The following FNIP2 variants were observed in gnomAD, a reference collection of about 807,000 sequenced individuals.
The protein encoded by FNIP2 is folliculin-interacting protein 2.
FNIP2 carries 32 observed loss-of-function variants against 108.7 expected under a neutral mutation model. That is an observed-to-expected ratio of 0.29 (90% confidence interval 0.22 to 0.40). The LOEUF is 0.40. FNIP2 is among the 10% of genes least tolerant of loss of function. The pLI is 1.00. For missense variants in FNIP2, 1,202 were observed against 1,381.6 expected, an observed-to-expected ratio of 0.87 and a Z score of 2.06; for synonymous variants, 480 against 496.7, an observed-to-expected ratio of 0.97 and a Z score of 0.45.
intron 5 of FNIP2, 39 bp from the exon 6 acceptor site, chr4:158,833,489 T>A: frequency 7.6e-7 from 1 of 1,317,022 alleles, no homozygotes; most frequent in Non-Finnish European, 1.1e-6. Context: ...TTGACGTTTT[T>A]GTCCTCTTTC....
At chr4:158,789,718 TACAGATGAAG>T (rs1776341345) in intron 1 of FNIP2, among the ~76,000 whole-genome samples, 3 of 152,186 alleles carry the variant, frequency 2.0e-5, no homozygotes, top group African/African-American at 7.2e-5. Context: ...GAGCTAACAG[TACAGATGAAG>T]TATTCCTAAT....
intron 1 of FNIP2, among the ~76,000 whole-genome samples, chr4:158,773,425 T>C (rs1278780719): frequency 6.6e-6 from 1 of 152,204 alleles, no homozygotes; most frequent in East Asian, 1.9e-4. Flanking sequence ...ATGTACCATG[T>C]TGATGGGAGA....
At chr4:158,828,444 T>C (rs1778277054) in intron 2 of FNIP2, among the ~76,000 whole-genome samples, 1 of 152,098 alleles carries the variant, frequency 6.6e-6, no homozygotes, top group African/African-American at 2.4e-5. Flanking sequence ...TGAAACCCCA[T>C]CTCCACTAAA....
At chr4:158,888,301 G>T (rs1782122278) in intron 14 of FNIP2, among the ~76,000 whole-genome samples, 1 of 152,210 alleles carries the variant, frequency 6.6e-6, no homozygotes, top group Non-Finnish European at 1.5e-5. Flanking sequence ...AAAAGGTTCT[G>T]CTGGTTCTTT....
intron 1 of FNIP2, among the ~76,000 whole-genome samples, chr4:158,779,322 G>T (rs1775958027): frequency 6.6e-6 from 1 of 152,146 alleles, no homozygotes; most frequent in Admixed American, 6.5e-5. Flanking sequence ...CAGCAGGGAA[G>T]TATCTAAATT....
At chr4:158,777,978 A>G (rs1406894621) in intron 1 of FNIP2, among the ~76,000 whole-genome samples, 2 of 152,186 alleles carry the variant, frequency 1.3e-5, no homozygotes, top group African/African-American at 4.8e-5. Flanking sequence ...AATACAGGAA[A>G]AAAAATTCTT....
At chr4:158,777,360 G>A (rs903708547) in intron 1 of FNIP2, among the ~76,000 whole-genome samples, 8 of 152,156 alleles carry the variant, frequency 5.3e-5, no homozygotes, top group Non-Finnish European at 8.8e-5. Flanking sequence ...GACTATATTT[G>A]CATGTTAAAT....
chr4:158,864,956 G>T (rs563605309), intron 12 of FNIP2, among the ~76,000 whole-genome samples: 1 of 150,628 alleles, frequency 6.6e-6, no homozygotes, highest in East Asian at 1.9e-4. Context: ...TGCTCTCTCC[G>T]TCTCTCCCTC....
chr4:158,814,063 C>T (rs1239949552), intron 1 of FNIP2, among the ~76,000 whole-genome samples: 1 of 152,170 alleles, frequency 6.6e-6, no homozygotes, highest in Non-Finnish European at 1.5e-5. Context: ...TGCCACACTT[C>T]CTCCTTCTCC....
intron 1 of FNIP2, among the ~76,000 whole-genome samples, chr4:158,823,650 G>T (rs1038795316): frequency 1.1e-4 from 16 of 152,206 alleles, no homozygotes; most frequent in African/African-American, 3.9e-4. Context: ...TTTGGGTACT[G>T]CCAGGAATCT....
chr4:158,895,982 A>G (rs896804699), intron 16 of FNIP2, 117 bp downstream of exon 16: 1 of 697,748 alleles, frequency 1.4e-6, no homozygotes, highest in African/African-American at 1.8e-5. Flanking sequence ...CCATCAAAGT[A>G]TGTGGAGTCC....
chr4:158,901,633 C>T (rs1048216456), intron 16 of FNIP2, among the ~76,000 whole-genome samples: 51 of 152,016 alleles, frequency 3.4e-4, no homozygotes, highest in African/African-American at 1.2e-3. Context: ...ACCAATCAAA[C>T]GTAGATTTGG....
intron 6 of FNIP2, chr4:158,835,105 C>A (rs1038897801): frequency 1.1e-5 from 2 of 175,648 alleles, no homozygotes; most frequent in Non-Finnish European, 2.4e-5. Flanking sequence ...TTCATTGCAT[C>A]AACTGCACGA....
chr4:158,774,509 A>C (rs1231443995), intron 1 of FNIP2, among the ~76,000 whole-genome samples: 1 of 152,204 alleles, frequency 6.6e-6, no homozygotes, highest in African/African-American at 2.4e-5. Context: ...ATTTCATAGA[A>C]TCTTTCTTCT....
At chr4:158,822,733 A>G (rs1777952496) in intron 1 of FNIP2, among the ~76,000 whole-genome samples, 1 of 152,130 alleles carries the variant, frequency 6.6e-6, no homozygotes, top group Non-Finnish European at 1.5e-5. Context: ...TCCTGGGCTC[A>G]AGAGATCCTT....
intron 1 of FNIP2, among the ~76,000 whole-genome samples, chr4:158,815,663 C>G (rs1016195158): frequency 2.0e-5 from 3 of 152,058 alleles, no homozygotes; most frequent in African/African-American, 2.4e-5. Flanking sequence ...CGCGCCCGGC[C>G]CAGTAATCCA....
intron 1 of FNIP2, among the ~76,000 whole-genome samples, chr4:158,778,906 A>G (rs1578813617): frequency 6.6e-6 from 1 of 152,366 alleles, no homozygotes; most frequent in South Asian, 2.1e-4. Flanking sequence ...TATTTCCAGG[A>G]TGAGAACCCA....
At position 158,895,862 on chromosome 4, in the gene FNIP2, T is replaced by C; in HGVS notation, c.3263T>C (p.Leu1088Pro). Residue 1088 changes from leucine to proline, a missense_variant, in exon 16 of 17, where the codon CTG becomes CCG. By Grantham distance (98) the Leu-to-Pro change is moderately conservative. Around this residue, in one of 5 missense-constraint regions of FNIP2, gnomAD observed 142 missense variants for 183.8 expected, o/e 0.77. Coordinates refer to ENST00000264433, the MANE Select transcript of FNIP2 (RefSeq NM_020840.3). ...RVHVKELGVV[L>P]GIESNDLPLL... ...CATGTGAAAGAATTAGGTGTCGTACTGGGGTGAGTTCTGTGAAGTGCCGTC... is the reference window on the plus strand; with the variant it reads ...CATGTGAAAGAATTAGGTGTCGTACCGGGGTGAGTTCTGTGAAGTGCCGTC... 3.7e-6 allele frequency: 6 copies of C among 1,607,972 alleles called. No individual in the cohort carries two copies. Among genetic ancestry groups the C allele is most frequent in the Non-Finnish European group, 5.1e-6 (6 of 1,175,318 alleles).
At chr4:158,871,709 G>T (rs557600313) in intron 14 of FNIP2, 1 of 985,198 alleles carries the variant, frequency 1.0e-6, no homozygotes, top group South Asian at 4.7e-5. Context: ...GATACTCCTG[G>T]GATGAAACTA....
Sources: gnomAD v4.1 joint callset for allele counts (sites outside exome capture counted in the v4.1 genomes callset) on GRCh38, gnomAD v4.1.1 for gene constraint, gnomAD v4.1.1 regional missense constraint, MANE v1.5 for transcripts, NCBI Gene and HGNC (gene_info 2026-07-23, HGNC 2026-07-21) for gene names.